FAM171A1: variants seen among roughly 807,000 people sequenced by gnomAD.
The protein encoded by FAM171A1 is family with sequence similarity 171 member A1, also known as protein FAM171A1.
A neutral mutation model predicts 74.9 loss-of-function variants in FAM171A1; 23 were observed. That is an observed-to-expected ratio of 0.31 (90% CI 0.22 to 0.44). FAM171A1 has a LOEUF of 0.44. Among genes scored for constraint, FAM171A1 ranks in the 20% least tolerant of loss-of-function variants. The pLI, the probability that FAM171A1 is intolerant of heterozygous loss-of-function variation, is 1.00. For missense variants in FAM171A1, 1,162 were observed against 1,159.2 expected (o/e 1.00, Z -0.03); for synonymous variants, 527 against 505.7 (o/e 1.04, Z -0.57).
Position 15,212,877 on chromosome 10 carries a change from C to T in FAM171A1, c.*38G>A, listed in dbSNP as rs770706631. The stretch of plus-strand genomic sequence containing the variant: ...CGCTTCCATGAGAAAGGATATTTGG[C>T]AATTTTATATTCCACAGTCAGGTGG... On this transcript the variant is annotated 3_prime_UTR_variant, in exon 8 of 8. Coordinates refer to ENST00000378116, the MANE Select transcript of FAM171A1 (RefSeq NM_001010924.2). 1 of 1,603,268 alleles carries T rather than the reference C, an allele frequency of 6.2e-7. No individual in the cohort carries two copies. Among genetic ancestry groups the T allele is most frequent in the Non-Finnish European group, 8.5e-7 (1 of 1,176,986 alleles).
chr10:15,263,538 T>C (rs1472333216), intron 3 of FAM171A1, among the ~76,000 whole-genome samples: 1 of 152,230 alleles, frequency 6.6e-6, no homozygotes, highest in Non-Finnish European at 1.5e-5. Flanking sequence ...TTTTCAGATA[T>C]AGTCTACGTG....
chr10:15,305,664 TAAAAAAA>T (rs59843893), intron 1 of FAM171A1, among the ~76,000 whole-genome samples: 3 of 52,940 alleles, frequency 5.7e-5, no homozygotes, highest in African/African-American at 1.5e-4. Flanking sequence ...GAGATCTGGC[TAAAAAAA>T]AAAAAAAAAA....
chr10:15,369,215 T>C (rs1287325172), intron 1 of FAM171A1, among the ~76,000 whole-genome samples: 1 of 145,956 alleles, frequency 6.9e-6, no homozygotes, highest in African/African-American at 2.5e-5. Flanking sequence ...ATATATTGAA[T>C]ATATATATAT....
At chr10:15,229,979 T>C in intron 5 of FAM171A1, among the ~76,000 whole-genome samples, 1 of 140,924 alleles carries the variant, frequency 7.1e-6, no homozygotes, top group East Asian at 2.0e-4. Flanking sequence ...TCCCTGAATA[T>C]GCTAGATTTC....
chr10:15,320,812 T>A (rs1404454367), intron 1 of FAM171A1, among the ~76,000 whole-genome samples: 1 of 152,234 alleles, frequency 6.6e-6, no homozygotes, highest in African/African-American at 2.4e-5. Flanking sequence ...ACATAATAAC[T>A]TTCATCTAAT....
intron 1 of FAM171A1, among the ~76,000 whole-genome samples, chr10:15,297,563 ACAAC>A (rs1835176002): frequency 1.3e-5 from 2 of 152,198 alleles, no homozygotes; most frequent in South Asian, 4.1e-4. Context: ...ACAACACTTA[ACAAC>A]CAACAGCACC....
At chr10:15,234,693 C>T (rs186261795) in intron 5 of FAM171A1, among the ~76,000 whole-genome samples, 6 of 151,614 alleles carry the variant, frequency 4.0e-5, no homozygotes, top group Non-Finnish European at 5.9e-5. Flanking sequence ...TGCTCTGTCG[C>T]CCAGGCTGAA....
At chr10:15,336,154 C>G (rs1835696755) in intron 1 of FAM171A1, among the ~76,000 whole-genome samples, 1 of 152,082 alleles carries the variant, frequency 6.6e-6, no homozygotes, top group Middle Eastern at 3.2e-3. Context: ...TTCCTCAGAG[C>G]ATGGTACCCT....
intron 5 of FAM171A1, among the ~76,000 whole-genome samples, chr10:15,221,464 T>C (rs1347162096): frequency 1.3e-5 from 2 of 152,236 alleles, no homozygotes; most frequent in African/African-American, 4.8e-5. Context: ...GAGCAAATTT[T>C]CTATCCAGAG....
At chr10:15,334,669 T>C (rs1835679995) in intron 1 of FAM171A1, among the ~76,000 whole-genome samples, 1 of 152,144 alleles carries the variant, frequency 6.6e-6, no homozygotes, top group African/African-American at 2.4e-5. Flanking sequence ...AAGATCCTTT[T>C]CTTGGAGGTG....
Position 15,289,164 on chromosome 10 carries a change from A to C in FAM171A1, c.98-5059T>G, listed in dbSNP as rs554342602. 2.6e-5 allele frequency among the ~76,000 whole-genome samples: 4 copies of C among 152,242 alleles called. No homozygotes were observed. In the South Asian group the frequency reaches 8.3e-4, roughly 32 times the overall value. Reference sequence around the variant, plus strand: ...CAGCCCACAGGGGCATCATCGTTATAGAATAACACTGAGAATGGGACTCTC... The same window carrying C: ...CAGCCCACAGGGGCATCATCGTTATCGAATAACACTGAGAATGGGACTCTC... On this transcript the variant is annotated intron_variant, in intron 1 of 7. Coordinates refer to ENST00000378116, the MANE Select transcript of FAM171A1 (RefSeq NM_001010924.2).
chr10:15,319,342 G>A (rs1835459552), intron 1 of FAM171A1, among the ~76,000 whole-genome samples: 1 of 152,154 alleles, frequency 6.6e-6, no homozygotes, highest in Non-Finnish European at 1.5e-5. Flanking sequence ...GGACACAAAG[G>A]CATAAAAAAG....
chr10:15,290,776 G>A (rs1835092881), intron 1 of FAM171A1, among the ~76,000 whole-genome samples: 1 of 152,172 alleles, frequency 6.6e-6, no homozygotes, highest in Non-Finnish European at 1.5e-5. Flanking sequence ...GCCAGGCAAA[G>A]GGGTGTCCTG....
intron 1 of FAM171A1, among the ~76,000 whole-genome samples, chr10:15,345,889 C>T (rs1456951848): frequency 1.3e-5 from 2 of 152,150 alleles, no homozygotes; most frequent in Non-Finnish European, 2.9e-5. Flanking sequence ...GTGACGGAGG[C>T]TCCAGTGTAC....
intron 3 of FAM171A1, among the ~76,000 whole-genome samples, chr10:15,269,036 TCAAACAAACAAACAAA>T (rs34821162): frequency 1.1e-4 from 17 of 150,602 alleles, no homozygotes; most frequent in African/African-American, 2.2e-4. Context: ...AGACTCTGTC[TCAAACAAACAAACAAA>T]CAAACAAACA....
intron 3 of FAM171A1, among the ~76,000 whole-genome samples, chr10:15,272,590 T>C: frequency 6.6e-6 from 1 of 152,218 alleles, no homozygotes; most frequent in East Asian, 1.9e-4. Flanking sequence ...AGAATATACA[T>C]TCTTCTCAGC....
At chr10:15,303,464 T>C (rs369432819) in intron 1 of FAM171A1, among the ~76,000 whole-genome samples, 3 of 152,134 alleles carry the variant, frequency 2.0e-5, no homozygotes, top group Non-Finnish European at 2.9e-5. Context: ...TCGTGTCAAA[T>C]GGAGGAAACT....
intron 1 of FAM171A1, among the ~76,000 whole-genome samples, chr10:15,287,000 AAT>A (rs1835043373): frequency 6.6e-6 from 1 of 152,194 alleles, no homozygotes; most frequent in Non-Finnish European, 1.5e-5. Flanking sequence ...GCATCATGAA[AAT>A]CAAGGATATG....
intron 1 of FAM171A1, among the ~76,000 whole-genome samples, chr10:15,298,225 T>G (rs1369000030): frequency 6.6e-6 from 1 of 152,114 alleles, no homozygotes; most frequent in Non-Finnish European, 1.5e-5. Context: ...ACCTTCGCCT[T>G]CCAGGTTGAA....
Sources: gnomAD v4.1 joint callset for allele counts (sites outside exome capture counted in the v4.1 genomes callset) on GRCh38, gnomAD v4.1.1 for gene constraint, MANE v1.5 for transcripts, NCBI Gene and HGNC (gene_info 2026-07-23, HGNC 2026-07-21) for gene names.